The following SV2C variants were observed in gnomAD, a reference collection of about 807,000 sequenced individuals.
SV2C encodes synaptic vesicle glycoprotein 2C.
Under a neutral mutation model 79.7 loss-of-function variants are expected in SV2C, and 49 were observed. The observed-to-expected ratio is 0.61, with a 90% CI of 0.49 to 0.78. The LOEUF is 0.78. SV2C is among the 30% of genes least tolerant of loss of function. SV2C has a pLI of 0.00. For missense variants in SV2C, 833 were observed against 912.9 expected (o/e 0.91, Z 1.13); for synonymous variants, 334 against 333.2 (o/e 1.00, Z -0.03).
chr5:76,116,940 G>T (rs899527743), intron 1 of SV2C, among the ~76,000 whole-genome samples: 3 of 152,120 alleles, frequency 2.0e-5, no homozygotes, highest in Admixed American at 6.5e-5. Flanking sequence ...TTGCAAAGTT[G>T]CTCCTGTACA....
chr5:76,038,845 A>G, the SV2C span, among the ~76,000 whole-genome samples: 2 of 152,248 alleles, frequency 1.3e-5, no homozygotes, highest in Non-Finnish European at 2.9e-5. Flanking sequence ...TAACTCTGTA[A>G]CAGCTCAGAG....
the SV2C span, among the ~76,000 whole-genome samples, chr5:75,872,796 T>C: frequency 6.6e-6 from 1 of 151,996 alleles, no homozygotes; most frequent in African/African-American, 2.4e-5. Flanking sequence ...CATTAGGAGA[T>C]ATACCTAATG....
chr5:76,026,217 C>T, the SV2C span, among the ~76,000 whole-genome samples: 2 of 140,888 alleles, frequency 1.4e-5, no homozygotes, highest in African/African-American at 2.5e-5. Flanking sequence ...CACACACACA[C>T]ACACACACAC....
In SV2C at chr5:76,207,343, C is replaced by G. The variant is rs1172636298; in HGVS notation, c.762-2393C>G. 2.0e-5 allele frequency among the ~76,000 whole-genome samples: 3 copies of G among 152,136 alleles called. No homozygotes were observed. The East Asian group carries it at 5.8e-4, about 29-fold the overall frequency. On this transcript the variant is annotated intron_variant, in intron 3 of 12. Coordinates refer to ENST00000502798, the MANE Select transcript of SV2C (RefSeq NM_014979.4). Reference sequence around the variant, plus strand: ...TGAGGAAGTGAAAAGTCAGTAAAAACTAGGACTATTTTTATGCATTGAGAA... The same window carrying G: ...TGAGGAAGTGAAAAGTCAGTAAAAAGTAGGACTATTTTTATGCATTGAGAA...
intron 1 of SV2C, among the ~76,000 whole-genome samples, chr5:76,126,718 C>A (rs1425914171): frequency 6.6e-6 from 1 of 151,946 alleles, no homozygotes; most frequent in African/African-American, 2.4e-5. Context: ...TTAGAAGAGC[C>A]CGAGTCTGCT....
At chr5:76,007,020 C>T in the SV2C span, among the ~76,000 whole-genome samples, 1 of 152,080 alleles carries the variant, frequency 6.6e-6, no homozygotes, top group African/African-American at 2.4e-5. Flanking sequence ...AGTGTAAGTA[C>T]TAAAATTATT....
At chr5:75,957,917 A>T in the SV2C span, among the ~76,000 whole-genome samples, 1 of 151,976 alleles carries the variant, frequency 6.6e-6, no homozygotes, top group Non-Finnish European at 1.5e-5. Context: ...TGGACTTTGG[A>T]TACAGGACAT....
chr5:76,288,192 C>G (rs1196873336), intron 6 of SV2C, among the ~76,000 whole-genome samples: 1 of 152,006 alleles, frequency 6.6e-6, no homozygotes, highest in Non-Finnish European at 1.5e-5. Context: ...GTGGCTTATA[C>G]CTAACAAACA....
chr5:76,303,494 C>T (rs1748081794), intron 12 of SV2C, among the ~76,000 whole-genome samples: 2 of 152,156 alleles, frequency 1.3e-5, no homozygotes, highest in Non-Finnish European at 2.9e-5. Flanking sequence ...ATAACCTCCT[C>T]AATGTTAAAG....
At chr5:75,961,113 C>T in the SV2C span, among the ~76,000 whole-genome samples, 2 of 152,020 alleles carry the variant, frequency 1.3e-5, no homozygotes, top group African/African-American at 4.8e-5. Context: ...AAAATATGCT[C>T]TTTCCTTCTA....
the SV2C span, among the ~76,000 whole-genome samples, chr5:75,989,265 C>T: frequency 1.1e-4 from 17 of 151,720 alleles, no homozygotes; most frequent in African/African-American, 3.9e-4. Flanking sequence ...GTATTAAGTC[C>T]GACATCCATT....
At chr5:76,066,146 C>T in the SV2C span, among the ~76,000 whole-genome samples, 1 of 151,966 alleles carries the variant, frequency 6.6e-6, no homozygotes, top group Non-Finnish European at 1.5e-5. Flanking sequence ...GACACATGCA[C>T]ACGTATGTTT....
At chr5:76,256,411 G>A (rs1172312213) in intron 4 of SV2C, among the ~76,000 whole-genome samples, 1 of 152,156 alleles carries the variant, frequency 6.6e-6, no homozygotes, top group Non-Finnish European at 1.5e-5. Flanking sequence ...CAGGGAAGAG[G>A]CTTTTAATAG....
the SV2C span, among the ~76,000 whole-genome samples, chr5:75,969,823 C>T: frequency 2.6e-5 from 4 of 152,128 alleles, no homozygotes; most frequent in East Asian, 7.7e-4. Context: ...CCAAGCAGAC[C>T]TAATAGACAT....
chr5:76,205,486 A>G (rs565450507), intron 3 of SV2C, among the ~76,000 whole-genome samples: 4 of 152,160 alleles, frequency 2.6e-5, no homozygotes, highest in Non-Finnish European at 5.9e-5. Flanking sequence ...GACAGCTAAT[A>G]AAATAGACTT....
At chr5:75,997,778 T>C in the SV2C span, among the ~76,000 whole-genome samples, 1 of 152,208 alleles carries the variant, frequency 6.6e-6, no homozygotes, top group Non-Finnish European at 1.5e-5. Flanking sequence ...TGGAAGTTAG[T>C]GTGGCAATTC....
Position 76,195,080 on chromosome 5 carries a change from C to T in SV2C, c.742C>T (p.Arg248Cys). The T allele has an allele frequency of 6.2e-6, 10 of 1,613,572 alleles. No individual in the cohort carries two copies. The highest frequency in any genetic ancestry group is 1.7e-5 in the Admixed American group (1 of 59,932). ...AGGTTATGGCTTCTTTCTCTTCTGT[C>T]GCTTACTTTCTGGATTCGGGTAAGG... ...VQGYGFFLFC[R>C]LLSGFGIGGA... The change falls in exon 3 of 13, where the codon CGC becomes TGC. Residue 248 changes from arginine (R) to cysteine (C), a missense_variant. Transcript: ENST00000502798.
chr5:76,334,332 C>T (rs1749266753), downstream of SV2C, among the ~76,000 whole-genome samples: 1 of 96,764 alleles, frequency 1.0e-5, no homozygotes, highest in Admixed American at 1.0e-4. Flanking sequence ...TTAGGGAATT[C>T]ACATTGGAGG....
the SV2C span, among the ~76,000 whole-genome samples, chr5:76,069,797 T>G: frequency 2.6e-5 from 4 of 152,020 alleles, no homozygotes; most frequent in Admixed American, 2.6e-4. Flanking sequence ...TCTCTCTTTC[T>G]CACTGTCTCC....
Sources: allele counts gnomAD v4.1 joint callset (sites outside exome capture counted in the v4.1 genomes callset), GRCh38; gene constraint gnomAD v4.1.1; transcripts MANE v1.5; gene names NCBI Gene and HGNC (gene_info 2026-07-23, HGNC 2026-07-21).